Variants in DCDC1 observed in about 807,000 individuals in gnomAD.
DCDC1 encodes doublecortin domain containing 1.
In DCDC1, 200 loss-of-function variants were observed where a neutral mutation model predicts 178.3. The ratio of observed to expected loss-of-function variants is 1.12; its 90% CI spans 1.00 to 1.26. DCDC1 has a LOEUF of 1.26. Ranked by LOEUF, DCDC1 falls within the 50% of genes most tolerant of loss-of-function variation. The pLI, the probability that DCDC1 is intolerant of heterozygous loss-of-function variation, is 0.00. For synonymous variants in DCDC1, 690 were observed against 604.8 expected (o/e 1.14, Z -2.07); for missense variants, 1,983 against 1,749.2 (o/e 1.13, Z -2.38).
chr11:30,882,161 G>C (rs1942742891), intron 36 of DCDC1: 1 of 152,238 alleles, frequency 6.6e-6, no homozygotes, highest in South Asian at 2.1e-4. Context: ...GATCTGTTTA[G>C]ATGCTACAAC....
At chr11:30,934,406 TC>T (rs1355211374) in intron 21 of DCDC1, among the ~76,000 whole-genome samples, 1 of 152,148 alleles carries the variant, frequency 6.6e-6, no homozygotes, top group African/African-American at 2.4e-5. Context: ...TTATAGAAGT[TC>T]CTTTTCCCAC....
chr11:30,930,428 T>C (rs1565089422), intron 22 of DCDC1, among the ~76,000 whole-genome samples: 1 of 152,150 alleles, frequency 6.6e-6, no homozygotes, highest in Non-Finnish European at 1.5e-5. Context: ...CTATATGTAG[T>C]AGAGTTTTAG....
At chr11:31,163,014 A>G (rs1966448878) in intron 9 of DCDC1, among the ~76,000 whole-genome samples, 1 of 152,156 alleles carries the variant, frequency 6.6e-6, no homozygotes, top group Admixed American at 6.6e-5. Context: ...TACTTTGCCA[A>G]CCCTCAAATC....
intron 9 of DCDC1, among the ~76,000 whole-genome samples, chr11:31,235,686 C>A (rs1392432660): frequency 1.3e-5 from 2 of 151,626 alleles, no homozygotes; most frequent in African/African-American, 4.8e-5. Flanking sequence ...TAGATGATCC[C>A]CAAATGGAAT....
chr11:30,919,437 G>A (rs1946086100), intron 25 of DCDC1, among the ~76,000 whole-genome samples: 1 of 152,122 alleles, frequency 6.6e-6, no homozygotes, highest in South Asian at 2.1e-4. Context: ...AGGACTCCAG[G>A]CCTTCATGAA....
chr11:31,170,922 G>A (rs1282608617), intron 9 of DCDC1, among the ~76,000 whole-genome samples: 2 of 151,910 alleles, frequency 1.3e-5, no homozygotes, highest in Non-Finnish European at 2.9e-5. Flanking sequence ...CTTGCCTCCC[G>A]GGTTCAAATG....
intron 20 of DCDC1, among the ~76,000 whole-genome samples, chr11:31,022,942 C>G (rs1418901394): frequency 6.6e-6 from 1 of 152,012 alleles, no homozygotes; most frequent in Non-Finnish European, 1.5e-5. Flanking sequence ...TAAGTTTTAA[C>G]CATCATTTGC....
chr11:30,885,169 A>G (rs996249197), intron 36 of DCDC1, among the ~76,000 whole-genome samples: 3 of 152,006 alleles, frequency 2.0e-5, no homozygotes, highest in African/African-American at 4.8e-5. Flanking sequence ...GTCAGTGAAT[A>G]GAGCTGAGAT....
chr11:31,158,371 C>T (rs892385274), intron 9 of DCDC1, among the ~76,000 whole-genome samples: 2 of 152,090 alleles, frequency 1.3e-5, no homozygotes, highest in Admixed American at 6.5e-5. Flanking sequence ...CCCGCCTCGG[C>T]CTCCCAAAGT....
chr11:31,239,352 T>C (rs1050871137), intron 9 of DCDC1, among the ~76,000 whole-genome samples: 2 of 152,142 alleles, frequency 1.3e-5, no homozygotes, highest in East Asian at 1.9e-4. Context: ...AAAGATATTG[T>C]CAGGCTTAAC....
At chr11:30,916,614 G>A (rs1262997082) in intron 26 of DCDC1, among the ~76,000 whole-genome samples, 1 of 151,944 alleles carries the variant, frequency 6.6e-6, no homozygotes, top group African/African-American at 2.4e-5. Flanking sequence ...AGGCAAAGGT[G>A]GATAAGCATA....
At chr11:31,295,946 A>G (rs1405507800) in intron 6 of DCDC1, among the ~76,000 whole-genome samples, 3 of 152,150 alleles carry the variant, frequency 2.0e-5, no homozygotes, top group African/African-American at 7.2e-5. Flanking sequence ...GAACTTTCTA[A>G]TTGTATATGA....
intron 2 of DCDC1, among the ~76,000 whole-genome samples, chr11:31,329,470 CAT>C (rs1949844175): frequency 6.6e-6 from 1 of 152,054 alleles, no homozygotes; most frequent in African/African-American, 2.4e-5. Flanking sequence ...CATATGTACA[CAT>C]GTGCCATGTT....
intron 6 of DCDC1, among the ~76,000 whole-genome samples, chr11:31,294,827 AAAGAAAGAAAGAAAGAAAG>A (rs1947541636): frequency 7.0e-6 from 1 of 143,218 alleles, no homozygotes. Context: ...AGAAAGAAAG[AAAGAAAGAAAGAAAGAAAG>A]AAAGAAAGAA....
intron 1 of DCDC1, among the ~76,000 whole-genome samples, chr11:31,348,650 G>A (rs1404000626): frequency 6.6e-6 from 1 of 152,136 alleles, no homozygotes; most frequent in African/African-American, 2.4e-5. Flanking sequence ...AGGAACTTCA[G>A]GTGTGTTAAA....
chr11:31,237,040 C>T (rs184694098), intron 9 of DCDC1, among the ~76,000 whole-genome samples: 279 of 151,772 alleles, frequency 1.8e-3, no homozygotes, highest in Non-Finnish European at 3.0e-3. Flanking sequence ...ACTAAGATTC[C>T]TTTTAAAATA....
At chr11:31,055,277 C>T (rs1205224370) in intron 20 of DCDC1, among the ~76,000 whole-genome samples, 1 of 152,134 alleles carries the variant, frequency 6.6e-6, no homozygotes. Context: ...ATCAAAACCA[C>T]AATGCAATAC....
At chr11:31,067,617 T>G (rs1247409581) in intron 18 of DCDC1, among the ~76,000 whole-genome samples, 1 of 152,128 alleles carries the variant, frequency 6.6e-6, no homozygotes, top group Non-Finnish European at 1.5e-5. Context: ...TTATTCATAG[T>G]AGCCAAAATA....
At chr11:30,926,451 G>A (rs1321544093) in intron 22 of DCDC1, among the ~76,000 whole-genome samples, 2 of 152,180 alleles carry the variant, frequency 1.3e-5, no homozygotes, top group Admixed American at 6.5e-5. Flanking sequence ...TGTCAGAAAG[G>A]TGGAAAATGG....
Sources: gnomAD v4.1 joint callset for allele counts (sites outside exome capture counted in the v4.1 genomes callset) on GRCh38, gnomAD v4.1.1 for gene constraint, MANE v1.5 for transcripts, NCBI Gene and HGNC (gene_info 2026-07-23, HGNC 2026-07-21) for gene names.